The following COL11A1 variants were observed in gnomAD, a reference collection of about 807,000 sequenced individuals.
The protein encoded by COL11A1 is collagen alpha-1(XI) chain.
In COL11A1, 74 loss-of-function variants were observed where a neutral mutation model predicts 265.2. That is an observed-to-expected ratio of 0.28 (90% CI 0.23 to 0.34). The LOEUF is 0.34. Ranked by LOEUF, COL11A1 falls within the 10% of genes least tolerant of loss-of-function variation. The probability of loss-of-function intolerance (pLI) is 1.00; values close to 1 mark genes in which losing one functional copy is unlikely to be tolerated. For synonymous variants in COL11A1, 816 were observed against 727.6 expected, an observed-to-expected ratio of 1.12 and a Z score of -1.96; for missense variants, 2,165 against 2,263.6, an observed-to-expected ratio of 0.96 and a Z score of 0.88.
intron 4 of COL11A1, among the ~76,000 whole-genome samples, chr1:103,060,655 GGTGTAAGTTCATATTTAAAAACCTA>G: frequency 6.6e-6 from 1 of 152,084 alleles, no homozygotes; most frequent in Admixed American, 6.6e-5. Context: ...ACTTGGAATA[GGTGTAAGTTCATATTTAAAAACCTA>G]GCCAGGTGAG....
At chr1:103,076,652 T>A (rs1671995221) in intron 3 of COL11A1, among the ~76,000 whole-genome samples, 1 of 152,158 alleles carries the variant, frequency 6.6e-6, no homozygotes, top group South Asian at 2.1e-4. Flanking sequence ...CAAAAAAACA[T>A]GAGTGAAACC....
chr1:103,099,817 T>A (rs1674100751), intron 1 of COL11A1, among the ~76,000 whole-genome samples: 1 of 151,764 alleles, frequency 6.6e-6, no homozygotes, highest in South Asian at 2.1e-4. Flanking sequence ...ATGAAAAAGC[T>A]AGAGGTAAAT....
intron 4 of COL11A1, among the ~76,000 whole-genome samples, chr1:103,058,884 G>A (rs1372162390): frequency 6.6e-6 from 1 of 151,904 alleles, no homozygotes; most frequent in Non-Finnish European, 1.5e-5. Flanking sequence ...TTTTATAACT[G>A]CTATGGTGAT....
At chr1:103,104,464 A>G (rs750796696) in intron 1 of COL11A1, among the ~76,000 whole-genome samples, 75 of 152,142 alleles carry the variant, frequency 4.9e-4, no homozygotes, top group Non-Finnish European at 9.6e-4. Context: ...TTTTTTACCA[A>G]TTATGTTATG....
chr1:102,893,589 C>G (rs182950624), intron 57 of COL11A1, among the ~76,000 whole-genome samples: 226 of 152,090 alleles, frequency 1.5e-3, no homozygotes, highest in African/African-American at 4.6e-3. Context: ...ATACATAATT[C>G]ATAAGTAATA....
At chr1:102,969,292 A>G (rs1661730582) in intron 37 of COL11A1, among the ~76,000 whole-genome samples, 1 of 152,114 alleles carries the variant, frequency 6.6e-6, no homozygotes, top group Non-Finnish European at 1.5e-5. Context: ...TATTTTTTTC[A>G]GATTTCAGAT....
rs767276283 is a variant in COL11A1 at position 102,913,685 on chromosome 1, T to C, written c.3984A>G (p.Gln1328=). The C allele has an allele frequency of 1.2e-5, 20 of 1,613,368 alleles. No homozygotes were observed. The highest frequency in any genetic ancestry group is 3.3e-4 in the Middle Eastern group (2 of 6,074). The change falls in exon 53 of 67, where the codon CAA becomes CAG. Residue 1328 remains glutamine (Q), a synonymous_variant. Transcript: ENST00000370096. ...GPPGEPGPAG[Q]DGVGGDKGED... ...CACCCTTGTCACCACCAACACCATC[T>C]TGACCCTATAAGAGGCAATAAAATA...
intron 4 of COL11A1, among the ~76,000 whole-genome samples, chr1:103,043,871 G>T (rs1669033371): frequency 6.6e-6 from 1 of 152,056 alleles, no homozygotes; most frequent in African/African-American, 2.4e-5. Context: ...AATACATTTA[G>T]GTAAGTAGCC....
intron 42 of COL11A1, among the ~76,000 whole-genome samples, chr1:102,943,316 A>C (rs1188846191): frequency 1.3e-5 from 2 of 151,934 alleles, no homozygotes; most frequent in East Asian, 3.9e-4. Context: ...AATACCCAGC[A>C]GGTAAAATCC....
At chr1:102,954,021 AATATC>A (rs1660137263) in intron 41 of COL11A1, among the ~76,000 whole-genome samples, 1 of 152,232 alleles carries the variant, frequency 6.6e-6, no homozygotes, top group Admixed American at 6.5e-5. Context: ...CAATGACCAT[AATATC>A]ATAAGTGTTC....
intron 46 of COL11A1, among the ~76,000 whole-genome samples, chr1:102,924,848 T>C (rs141369435): frequency 7.2e-4 from 110 of 152,152 alleles, no homozygotes; most frequent in Middle Eastern, 3.4e-3. Context: ...CAAATGAATA[T>C]GCATAAGTTT....
intron 38 of COL11A1, among the ~76,000 whole-genome samples, chr1:102,963,515 A>G (rs1337898381): frequency 1.3e-5 from 2 of 152,198 alleles, no homozygotes; most frequent in African/African-American, 2.4e-5. Flanking sequence ...CTCTATCTTA[A>G]TAAAAAGCAA....
intron 7 of COL11A1, among the ~76,000 whole-genome samples, chr1:103,024,229 T>C (rs1463429167): frequency 6.6e-6 from 1 of 152,140 alleles, no homozygotes; most frequent in Non-Finnish European, 1.5e-5. Context: ...TGGGCTTACA[T>C]GATCATCCTG....
At chr1:102,944,785 A>G (rs538638324) in intron 42 of COL11A1, among the ~76,000 whole-genome samples, 6 of 152,268 alleles carry the variant, frequency 3.9e-5, no homozygotes, top group African/African-American at 7.2e-5. Context: ...TATATTCTCA[A>G]TTTGTATACA....
chr1:103,079,939 T>A (rs116063968), intron 2 of COL11A1, among the ~76,000 whole-genome samples: 2,227 of 152,020 alleles, frequency 0.015, 45 homozygotes, highest in African/African-American at 0.051. Flanking sequence ...TTGTAGGAGA[T>A]CAGCAATTCT....
At chr1:102,906,079 A>G (rs1341886677) in intron 54 of COL11A1, among the ~76,000 whole-genome samples, 1 of 152,154 alleles carries the variant, frequency 6.6e-6, no homozygotes, top group African/African-American at 2.4e-5. Context: ...ACCCTTATTC[A>G]ATGCTTAATA....
In COL11A1 at chr1:103,078,675, A is replaced by C; in HGVS notation, c.471T>G (p.Val157=). ...APEDYPLFRT[V]NIADGKWHRV... is the part of the protein sequence containing the mutation. ...TTACTTACTTCCCGTCAGCGATGTT[A>C]ACAGTTCTGAAGAGGGGATAGTCTT... Residue 157 remains valine (V), a synonymous_variant, in exon 3 of 67, where the codon GTT becomes GTG. Coordinates refer to ENST00000370096, the MANE Select transcript of COL11A1 (RefSeq NM_001854.4). 6.2e-7 allele frequency: 1 copy of C among 1,613,318 alleles called. No individual in the cohort carries two copies.
intron 44 of COL11A1, among the ~76,000 whole-genome samples, chr1:102,938,247 G>A (rs1452336590): frequency 6.6e-6 from 1 of 151,880 alleles, no homozygotes; most frequent in African/African-American, 2.4e-5. Context: ...AACCAGACTG[G>A]TCTGTTAGAA....
chr1:102,908,004 C>T (rs887384401), intron 54 of COL11A1, among the ~76,000 whole-genome samples: 4 of 152,034 alleles, frequency 2.6e-5, no homozygotes, highest in Admixed American at 6.6e-5. Flanking sequence ...AGTGGCAGTG[C>T]CCAGTAACTC....
Sources: allele counts gnomAD v4.1 joint callset (sites outside exome capture counted in the v4.1 genomes callset), GRCh38; gene constraint gnomAD v4.1.1; transcripts MANE v1.5; gene names NCBI Gene and HGNC (gene_info 2026-07-23, HGNC 2026-07-21).